ANKRD27: variants seen among roughly 807,000 people sequenced by gnomAD.
ANKRD27 encodes ankyrin repeat domain-containing protein 27.
ANKRD27 carries 112 observed loss-of-function variants against 129.7 expected under a neutral mutation model. The ratio of observed to expected loss-of-function variants is 0.86; its 90% confidence interval spans 0.74 to 1.01. ANKRD27 has a LOEUF of 1.01. Among genes scored for constraint, ANKRD27 ranks in the 50% least tolerant of loss-of-function variants. ANKRD27 has a pLI of 0.00. For synonymous variants in ANKRD27, 516 were observed against 511.2 expected (o/e 1.01, Z -0.13); for missense variants, 1,258 against 1,300.5 (o/e 0.97, Z 0.50).
chr19:32,644,498 G>A lies in ANKRD27; in HGVS notation c.371-19C>T, dbSNP rs780738379. 4 of 1,609,396 alleles carry A rather than the reference G, an allele frequency of 2.5e-6. No individual in the cohort carries two copies. In the East Asian group the frequency reaches 6.7e-5, roughly 27 times the overall value. ...GGCTCTTCTGAAAAAGAAACAAACA[G>A]GTCAGGCCGGCTGAAGCCTCTGCTG... On this transcript the variant is annotated intron_variant, in intron 4 of 28. Coordinates refer to ENST00000306065, the MANE Select transcript of ANKRD27 (RefSeq NM_032139.3).
At chr19:32,668,470 T>G (rs1243348609) in intron 1 of ANKRD27, among the ~76,000 whole-genome samples, 1 of 136,036 alleles carries the variant, frequency 7.4e-6, no homozygotes, top group Non-Finnish European at 1.6e-5. Context: ...CAGTCTTATC[T>G]TCATCTTTTT....
At chr19:32,649,269 A>G (rs1480332711) in intron 3 of ANKRD27, among the ~76,000 whole-genome samples, 2 of 152,130 alleles carry the variant, frequency 1.3e-5, no homozygotes, top group South Asian at 2.1e-4. Context: ...CACCATGTCC[A>G]GCTGAAACAA....
chr19:32,667,108 A>T (rs1296179511), intron 1 of ANKRD27, among the ~76,000 whole-genome samples: 1 of 152,198 alleles, frequency 6.6e-6, no homozygotes, highest in African/African-American at 2.4e-5. Context: ...ACATAGCACC[A>T]GTTACTGCAA....
At chr19:32,649,603 G>A in intron 3 of ANKRD27, 79 bp downstream of exon 3, 2 of 985,954 alleles carry the variant, frequency 2.0e-6, no homozygotes, top group Non-Finnish European at 3.2e-6. Flanking sequence ...GTGAAAGGCT[G>A]AGAACGGGAC....
At chr19:32,636,656 T>C (rs768875304) in intron 12 of ANKRD27, among the ~76,000 whole-genome samples, 4 of 151,808 alleles carry the variant, frequency 2.6e-5, no homozygotes, top group African/African-American at 9.6e-5. Flanking sequence ...TGTAAGCAAA[T>C]ATTAGTCTTC....
chr19:32,600,161 A>C (rs1971630678), intron 26 of ANKRD27, 111 bp from the exon 27 acceptor site: 1 of 789,146 alleles, frequency 1.3e-6, no homozygotes, highest in Non-Finnish European at 2.0e-6. Context: ...AAATTTAGAA[A>C]CTGAAGCACT....
intron 10 of ANKRD27, among the ~76,000 whole-genome samples, chr19:32,640,683 C>T (rs1967182838): frequency 6.6e-6 from 1 of 152,164 alleles, no homozygotes; most frequent in East Asian, 1.9e-4. Flanking sequence ...GGGAGAATTG[C>T]TTGAGGCCAG....
intron 13 of ANKRD27, among the ~76,000 whole-genome samples, chr19:32,629,844 CTTTTTTTT>C (rs548494616): frequency 1.7e-4 from 18 of 105,610 alleles, no homozygotes; most frequent in African/African-American, 4.7e-4. Context: ...CTCTTGTGTT[CTTTTTTTT>C]TTTTTTTTTT....
At chr19:32,646,893 T>C (rs1967314489) in intron 3 of ANKRD27, among the ~76,000 whole-genome samples, 1 of 152,196 alleles carries the variant, frequency 6.6e-6, no homozygotes, top group African/African-American at 2.4e-5. Flanking sequence ...TGGTGCGACC[T>C]CGGCTCACTG....
chr19:32,605,214 A>C (rs1971713830), intron 24 of ANKRD27, among the ~76,000 whole-genome samples: 2 of 152,126 alleles, frequency 1.3e-5, no homozygotes, highest in Admixed American at 1.3e-4. Flanking sequence ...TCTACTAAAA[A>C]CAAACAGCAA....
At chr19:32,638,347 G>A (rs1967130201) in intron 12 of ANKRD27, 1 of 152,300 alleles carries the variant, frequency 6.6e-6, no homozygotes, top group African/African-American at 2.4e-5. Flanking sequence ...ACCTGCCTGT[G>A]GAAAGAAGCT....
chr19:32,663,969 T>G, intron 1 of ANKRD27, among the ~76,000 whole-genome samples: 1 of 139,164 alleles, frequency 7.2e-6, no homozygotes, highest in African/African-American at 2.7e-5. Context: ...GGCAGGAGAA[T>G]GGCGTGAACC....
intron 25 of ANKRD27, among the ~76,000 whole-genome samples, chr19:32,603,731 G>T (rs368198821): frequency 3.9e-5 from 6 of 152,052 alleles, no homozygotes; most frequent in Non-Finnish European, 8.8e-5. Flanking sequence ...TAGAGAGGGG[G>T]TCTCACTATG....
At chr19:32,637,028 G>GT (rs1409001734) in intron 12 of ANKRD27, among the ~76,000 whole-genome samples, 1 of 152,116 alleles carries the variant, frequency 6.6e-6, no homozygotes, top group East Asian at 1.9e-4. Flanking sequence ...GATTACAGGC[G>GT]TGAGCCACCG....
In ANKRD27 at chr19:32,672,015, G is replaced by C. The variant is rs567292463; in HGVS notation, c.-31+3056C>G. Among the ~76,000 whole-genome samples the C allele has an allele frequency of 5.1e-4, 78 of 152,304 alleles. 4 individuals are homozygous for C. The South Asian group carries it at 0.016, about 31-fold the overall frequency. On this transcript the variant is annotated intron_variant, in intron 1 of 28. Transcript: ENST00000306065. Reference sequence around the variant, plus strand: ...GGTCTTCAACCGTCCTGCTAGCCCAGATAAGTCTGGGTGGTCAAGAACCGT... The same window carrying C: ...GGTCTTCAACCGTCCTGCTAGCCCACATAAGTCTGGGTGGTCAAGAACCGT...
At chr19:32,661,122 G>A (rs202045324) in intron 1 of ANKRD27, among the ~76,000 whole-genome samples, 1 of 151,282 alleles carries the variant, frequency 6.6e-6, no homozygotes, top group East Asian at 2.0e-4. Flanking sequence ...AATCACTTGA[G>A]CCCAGGAGGT....
chr19:32,669,322 G>T (rs765219894), intron 1 of ANKRD27, among the ~76,000 whole-genome samples: 20 of 152,148 alleles, frequency 1.3e-4, no homozygotes, highest in Admixed American at 3.9e-4. Context: ...CTGGGCCCCA[G>T]GGGTGCCTCT....
intron 12 of ANKRD27, among the ~76,000 whole-genome samples, chr19:32,634,776 G>A (rs572158275): frequency 1.3e-5 from 2 of 152,274 alleles, no homozygotes; most frequent in East Asian, 1.9e-4. Flanking sequence ...TTAGCCGTGC[G>A]TAGTGGTGCG....
At chr19:32,606,159 T>C (rs1282530857) in intron 23 of ANKRD27, among the ~76,000 whole-genome samples, 2 of 148,732 alleles carry the variant, frequency 1.3e-5, no homozygotes, top group Admixed American at 1.3e-4. Flanking sequence ...TTCTTTTTTT[T>C]TTTTTTTTTT....
Sources: gnomAD v4.1 joint callset for allele counts (sites outside exome capture counted in the v4.1 genomes callset) on GRCh38, gnomAD v4.1.1 for gene constraint, MANE v1.5 for transcripts, NCBI Gene and HGNC (gene_info 2026-07-23, HGNC 2026-07-21) for gene names.